Variants in MOB3B observed in about 807,000 individuals in gnomAD.
The protein encoded by MOB3B is MOB kinase activator 3B, also known as MOB kinase activator-like 2B.
MOB3B carries 7 observed loss-of-function variants against 18.7 expected under a neutral mutation model. The observed-to-expected ratio is 0.37, with a 90% CI of 0.21 to 0.70. MOB3B has a LOEUF of 0.70. Among genes scored for constraint, MOB3B ranks in the 30% least tolerant of loss-of-function variants. The probability of loss-of-function intolerance (pLI) is 0.52; values close to 1 mark genes in which losing one functional copy is unlikely to be tolerated. For missense variants in MOB3B, 253 were observed against 281.3 expected (o/e 0.90, Z 0.72); for synonymous variants, 111 against 99.9 (o/e 1.11, Z -0.66).
intron 3 of MOB3B, 21 bp from the exon 4 acceptor site, chr9:27,330,637 G>A (rs1820772717): frequency 1.9e-6 from 3 of 1,613,926 alleles, no homozygotes; most frequent in African/African-American, 2.7e-5. Context: ...AGGGGAAAAG[G>A]ATGGTTAGGA....
At chr9:27,442,187 T>G (rs949252727) in intron 2 of MOB3B, among the ~76,000 whole-genome samples, 1 of 152,198 alleles carries the variant, frequency 6.6e-6, no homozygotes, top group African/African-American at 2.4e-5. Context: ...CTAATATTGT[T>G]AGCTGTTGCT....
intron 2 of MOB3B, among the ~76,000 whole-genome samples, chr9:27,393,598 C>T (rs1821760038): frequency 6.6e-6 from 1 of 152,198 alleles, no homozygotes; most frequent in South Asian, 2.1e-4. Context: ...ACAGAGTTCA[C>T]ACATGGCTCT....
At chr9:27,390,112 A>G (rs773074393) in intron 2 of MOB3B, among the ~76,000 whole-genome samples, 6 of 152,110 alleles carry the variant, frequency 3.9e-5, no homozygotes, top group Non-Finnish European at 5.9e-5. Context: ...GAGTCTCGCT[A>G]TGTTACCCAG....
At chr9:27,355,562 CT>C (rs11339453) in intron 3 of MOB3B, among the ~76,000 whole-genome samples, 49,552 of 131,574 alleles carry the variant, frequency 0.38, 7,627 homozygotes, top group Middle Eastern at 0.46. Flanking sequence ...TCTTTTTCTT[CT>C]TTTTTTTTTT....
intron 3 of MOB3B, among the ~76,000 whole-genome samples, chr9:27,344,921 G>C (rs1368020487): frequency 1.3e-5 from 2 of 152,310 alleles, no homozygotes; most frequent in East Asian, 3.9e-4. Context: ...TTACAGTCTC[G>C]GCCTGGCCGC....
intron 2 of MOB3B, among the ~76,000 whole-genome samples, chr9:27,360,878 C>T (rs1821265069): frequency 6.6e-6 from 1 of 152,258 alleles, no homozygotes; most frequent in South Asian, 2.1e-4. Flanking sequence ...ACTGCCTGGG[C>T]AACAGATGCT....
chr9:27,373,435 C>T (rs1821449257), intron 2 of MOB3B, among the ~76,000 whole-genome samples: 1 of 152,186 alleles, frequency 6.6e-6, no homozygotes, highest in Admixed American at 6.5e-5. Context: ...AGGGATTCAG[C>T]AATAAGCGAA....
chr9:27,332,692 CA>C (rs1820806207), intron 3 of MOB3B, among the ~76,000 whole-genome samples: 1 of 152,212 alleles, frequency 6.6e-6, no homozygotes, highest in South Asian at 2.1e-4. Flanking sequence ...TGCTGTTTGC[CA>C]GTCCCAGTGT....
At chr9:27,494,205 T>C (rs965632547) in intron 1 of MOB3B, among the ~76,000 whole-genome samples, 2 of 152,232 alleles carry the variant, frequency 1.3e-5, no homozygotes, top group African/African-American at 4.8e-5. Flanking sequence ...ATGTTATCAA[T>C]GACAATGGTG....
chr9:27,418,217 T>C (rs2131408977), intron 2 of MOB3B, among the ~76,000 whole-genome samples: 1 of 149,206 alleles, frequency 6.7e-6, no homozygotes, highest in East Asian at 2.0e-4. Flanking sequence ...TCAAAACAAA[T>C]GTCCAGGACC....
chr9:27,378,482 G>A (rs1821523365), intron 2 of MOB3B: 8 of 471,198 alleles, frequency 1.7e-5, no homozygotes, highest in South Asian at 1.1e-4. Context: ...ACTACTCCTG[G>A]CGCAAGGGCA....
At chr9:27,384,878 C>T (rs764681258) in intron 2 of MOB3B, among the ~76,000 whole-genome samples, 21 of 152,314 alleles carry the variant, frequency 1.4e-4, no homozygotes, top group East Asian at 1.9e-4. Context: ...GAGGGTGAGA[C>T]GCTGAGCCTG....
At chr9:27,481,782 C>T (rs1195301607) in intron 1 of MOB3B, among the ~76,000 whole-genome samples, 2 of 152,160 alleles carry the variant, frequency 1.3e-5, no homozygotes, top group Admixed American at 1.3e-4. Flanking sequence ...GCCTCGGCCT[C>T]CCAAAGTGCA....
At chr9:27,381,611 T>C (rs1587169443) in intron 2 of MOB3B, among the ~76,000 whole-genome samples, 1 of 152,184 alleles carries the variant, frequency 6.6e-6, no homozygotes, top group African/African-American at 2.4e-5. Flanking sequence ...GATTTTGTGA[T>C]GGAATTAAAG....
intron 1 of MOB3B, chr9:27,525,017 T>A (rs1448716989): frequency 7.2e-7 from 1 of 1,383,520 alleles, no homozygotes; most frequent in East Asian, 2.3e-5. Flanking sequence ...CTCCTTCTCC[T>A]CCTCCAACTT....
intron 1 of MOB3B, among the ~76,000 whole-genome samples, chr9:27,513,061 C>T (rs1351879629): frequency 6.6e-6 from 1 of 152,048 alleles, no homozygotes; most frequent in Non-Finnish European, 1.5e-5. Context: ...TTAAGGCCAT[C>T]CAGTGAAAGA....
chr9:27,487,064 A>G (rs892830342), intron 1 of MOB3B, among the ~76,000 whole-genome samples: 4 of 151,992 alleles, frequency 2.6e-5, no homozygotes, highest in African/African-American at 9.7e-5. Flanking sequence ...CTGGGAGGTG[A>G]AGGTTGCAGT....
chr9:27,458,303 C>T (rs1467659000), intron 1 of MOB3B, among the ~76,000 whole-genome samples: 1 of 152,072 alleles, frequency 6.6e-6, no homozygotes, highest in Admixed American at 6.5e-5. Flanking sequence ...CCTTCCTCCG[C>T]ACCTGTGCCA....
At chr9:27,516,769 A>G (rs1227900142) in intron 1 of MOB3B, among the ~76,000 whole-genome samples, 1 of 152,174 alleles carries the variant, frequency 6.6e-6, no homozygotes, top group African/African-American at 2.4e-5. Context: ...CTTTGGACAG[A>G]CCCACTGATT....
Sources: allele counts gnomAD v4.1 joint callset (sites outside exome capture counted in the v4.1 genomes callset), GRCh38; gene constraint gnomAD v4.1.1; transcripts MANE v1.5; gene names NCBI Gene and HGNC (gene_info 2026-07-23, HGNC 2026-07-21).